Variants in PHKB observed in about 807,000 individuals in gnomAD.
PHKB encodes phosphorylase kinase regulatory subunit beta.
A neutral mutation model predicts 152.1 loss-of-function variants in PHKB; 122 were observed. That is an observed-to-expected ratio of 0.80 (90% CI 0.69 to 0.93). The LOEUF is 0.93. PHKB is among the 40% of genes least tolerant of loss of function. The pLI is 0.00. For missense variants in PHKB, 1,304 were observed against 1,328.4 expected, an observed-to-expected ratio of 0.98 and a Z score of 0.29; for synonymous variants, 436 against 464.9, an observed-to-expected ratio of 0.94 and a Z score of 0.80.
intron 1 of PHKB, among the ~76,000 whole-genome samples, chr16:47,466,592 T>G (rs1191012594): frequency 4.6e-5 from 7 of 152,192 alleles, no homozygotes; most frequent in African/African-American, 9.7e-5. Flanking sequence ...AGCTGGTAAG[T>G]GAGCTTCAAC....
At chr16:47,576,299 A>G (rs1238449668) in intron 7 of PHKB, among the ~76,000 whole-genome samples, 2 of 152,208 alleles carry the variant, frequency 1.3e-5, no homozygotes, top group East Asian at 1.9e-4. Context: ...TTCTGCATCA[A>G]TTGATATGAC....
At chr16:47,688,917 C>T in intron 26 of PHKB, 124 bp from the exon 27 acceptor site, 4 of 1,009,936 alleles carry the variant, frequency 4.0e-6, no homozygotes, top group Non-Finnish European at 4.7e-6. Flanking sequence ...GTTCAGGAAA[C>T]TCAAACGGCC....
intron 14 of PHKB, among the ~76,000 whole-genome samples, chr16:47,616,650 A>T (rs190847215): frequency 2.0e-3 from 297 of 146,586 alleles, no homozygotes; most frequent in Non-Finnish European, 3.5e-3. Flanking sequence ...TTACATATAA[A>T]TATCATATAT....
chr16:47,571,870 G>T (rs146494697), intron 7 of PHKB, among the ~76,000 whole-genome samples: 1 of 152,104 alleles, frequency 6.6e-6, no homozygotes, highest in East Asian at 1.9e-4. Flanking sequence ...TTCATACTTT[G>T]GTTTCTTTTG....
chr16:47,486,497 A>G (rs769619000), intron 1 of PHKB, among the ~76,000 whole-genome samples: 2 of 152,228 alleles, frequency 1.3e-5, no homozygotes, highest in African/African-American at 4.8e-5. Flanking sequence ...CTGTTGTTCT[A>G]TGGGAATGCT....
intron 28 of PHKB, 131 bp downstream of exon 28, chr16:47,693,638 C>T: frequency 2.0e-6 from 2 of 1,018,290 alleles, no homozygotes; most frequent in Non-Finnish European, 2.9e-6. Context: ...GAATGAAATA[C>T]TAGAAAATAA....
At chr16:47,595,007 G>T (rs1481385368) in intron 12 of PHKB, among the ~76,000 whole-genome samples, 1 of 152,154 alleles carries the variant, frequency 6.6e-6, no homozygotes, top group African/African-American at 2.4e-5. Flanking sequence ...GTTAAAAGTT[G>T]TGAAATGTTT....
At chr16:47,565,631 G>A (rs532328730) in intron 7 of PHKB, 21 of 1,109,852 alleles carry the variant, frequency 1.9e-5, no homozygotes, top group South Asian at 5.0e-5. Flanking sequence ...CAGAGGTCCC[G>A]GTCTGTGATG....
chr16:47,572,619 C>G (rs1399977246), intron 7 of PHKB, among the ~76,000 whole-genome samples: 1 of 152,184 alleles, frequency 6.6e-6, no homozygotes, highest in Non-Finnish European at 1.5e-5. Flanking sequence ...GCAAGGCTGA[C>G]CTGTCCTCTC....
At chr16:47,547,311 C>G in intron 6 of PHKB, 122 bp from the exon 7 acceptor site, 1 of 687,886 alleles carries the variant, frequency 1.5e-6, no homozygotes, top group Non-Finnish European at 2.6e-6. Flanking sequence ...CTCAAACTCC[C>G]AACCTCATGT....
chr16:47,627,028 T>C lies in PHKB; in HGVS notation c.1459-14007T>C, dbSNP rs111739596. The stretch of plus-strand genomic sequence containing the variant: ...TCCCATGATTCTAAAACCTGGTTTC[T>C]TATGGTTTACCACTAGGGACCTTTC... On this transcript the variant is annotated intron_variant, in intron 14 of 30. Coordinates refer to ENST00000323584, the MANE Select transcript of PHKB (RefSeq NM_000293.3). Among the ~76,000 whole-genome samples the C allele has an allele frequency of 7.4e-4, 113 of 152,310 alleles. 2 individuals carry two copies. The highest frequency in any genetic ancestry group is 2.5e-3 in the African/African-American group (105 of 41,580).
intron 13 of PHKB, among the ~76,000 whole-genome samples, chr16:47,607,147 T>A (rs970259178): frequency 3.3e-5 from 5 of 152,212 alleles, no homozygotes; most frequent in African/African-American, 4.8e-5. Flanking sequence ...CTATTATTTT[T>A]AAAATAGCTT....
At position 47,497,445 on chromosome 16, in the gene PHKB, T is replaced by C; in HGVS notation, c.123T>C (p.Asp41=). 6.2e-7 allele frequency: 1 copy of C among 1,610,226 alleles called. No homozygotes were observed. Among genetic ancestry groups the C allele is most frequent in the Non-Finnish European group, 8.5e-7 (1 of 1,178,110 alleles). Residue 41 remains aspartate (D), a synonymous_variant, in exon 2 of 31, where the codon GAT becomes GAC. Coordinates refer to ENST00000323584, the MANE Select transcript of PHKB (RefSeq NM_000293.3). The part of the protein sequence containing the change: ...PLKSINLPRP[D]NETLWDKLDH... ...AAAGCATTAATCTTCCAAGACCTGA[T>C]AATGAAACTCTCTGGGATAAGTTGG...
rs1007550340 is a variant in PHKB, at chr16:47,590,124, C to T, written c.1068+1022C>T. Among the ~76,000 whole-genome samples the T allele has an allele frequency of 4.6e-5, 7 of 152,038 alleles. 1 individual carries two copies. The highest frequency in any genetic ancestry group is 2.0e-4 in the Admixed American group (3 of 15,266). ...TTTGTATGCATGGGCATAATTGGCT[C>T]ACTCACTGAAGGTAGGTAAGGTCCC... is the stretch of plus-strand genomic sequence containing the variant. On this transcript the variant is annotated intron_variant, in intron 10 of 30. Coordinates refer to ENST00000323584, the MANE Select transcript of PHKB (RefSeq NM_000293.3).
At chr16:47,464,965 A>G (rs1417211296) in intron 1 of PHKB, among the ~76,000 whole-genome samples, 1 of 152,204 alleles carries the variant, frequency 6.6e-6, no homozygotes, top group Non-Finnish European at 1.5e-5. Flanking sequence ...GCTTCACCAT[A>G]GCCTTTCAGA....
At chr16:47,622,111 G>A (rs987489989) in intron 14 of PHKB, among the ~76,000 whole-genome samples, 1 of 151,762 alleles carries the variant, frequency 6.6e-6, no homozygotes, top group Non-Finnish European at 1.5e-5. Context: ...AAGATTTATG[G>A]TCCAGAATAA....
At chr16:47,650,119 T>TA (rs1973208366) in intron 18 of PHKB, among the ~76,000 whole-genome samples, 2 of 152,192 alleles carry the variant, frequency 1.3e-5, no homozygotes, top group African/African-American at 4.8e-5. Context: ...GTAGGCTTTT[T>TA]TAAAAAAGGA....
At chr16:47,587,798 C>A in intron 9 of PHKB, 35 bp downstream of exon 9, 1 of 1,395,070 alleles carries the variant, frequency 7.2e-7, no homozygotes, top group Non-Finnish European at 1.0e-6. Flanking sequence ...TTAACATGAA[C>A]TATTGTTTAT....
intron 22 of PHKB, 109 bp from the exon 23 acceptor site, chr16:47,661,610 A>G (rs1973445159): frequency 2.7e-6 from 2 of 745,914 alleles, no homozygotes; most frequent in South Asian, 1.4e-5. Flanking sequence ...CCTCAGTTAC[A>G]TAGTAAAGTG....
Sources: allele counts gnomAD v4.1 joint callset (sites outside exome capture counted in the v4.1 genomes callset), GRCh38; gene constraint gnomAD v4.1.1; transcripts MANE v1.5; gene names NCBI Gene and HGNC (gene_info 2026-07-23, HGNC 2026-07-21).